The following DAB1 variants were observed in gnomAD, a reference collection of about 807,000 sequenced individuals.
DAB1 encodes the protein DAB adaptor protein 1.
Under a neutral mutation model 64.6 loss-of-function variants are expected in DAB1, and 15 were observed. The observed-to-expected ratio is 0.23, with a 90% CI of 0.16 to 0.36. DAB1 has a LOEUF of 0.36. Ranked by LOEUF, DAB1 falls within the 10% of genes least tolerant of loss-of-function variation. DAB1 has a pLI of 1.00. For synonymous variants in DAB1, 235 were observed against 251.9 expected (o/e 0.93, Z 0.64); for missense variants, 596 against 706.7 (o/e 0.84, Z 1.78).
At chr1:58,133,925 C>T (rs769013471) in intron 5 of DAB1, among the ~76,000 whole-genome samples, 6 of 152,140 alleles carry the variant, frequency 3.9e-5, no homozygotes, top group Non-Finnish European at 8.8e-5. Context: ...TCTTTTCAGG[C>T]TTACTTTCCC....
intron 7 of DAB1, among the ~76,000 whole-genome samples, chr1:57,568,431 C>T (rs1320849635): frequency 6.6e-6 from 1 of 152,146 alleles, no homozygotes; most frequent in Admixed American, 6.5e-5. Context: ...CAAATGGGAT[C>T]GAATTAAACT....
chr1:57,596,810 T>C (rs956782621), intron 7 of DAB1, among the ~76,000 whole-genome samples: 1 of 152,214 alleles, frequency 6.6e-6, no homozygotes, highest in Non-Finnish European at 1.5e-5. Flanking sequence ...GTGGATAGAA[T>C]AGGAGCTCAA....
intron 1 of DAB1, among the ~76,000 whole-genome samples, chr1:57,853,913 G>A (rs779185173): frequency 4.6e-5 from 7 of 152,148 alleles, no homozygotes; most frequent in East Asian, 3.9e-4. Flanking sequence ...TGAGACCTCC[G>A]CATCTGTTTT....
rs145671351 is a variant in DAB1, at chr1:58,022,476, A to G, written n.387+128035T>C. Among the ~76,000 whole-genome samples the G allele has an allele frequency of 6.7e-3, 1,018 of 152,292 alleles. 8 individuals are homozygous for G. Among genetic ancestry groups the G allele is most frequent in the African/African-American group, 0.024 (979 of 41,562 alleles). On this transcript the variant is annotated intron_variant and non_coding_transcript_variant, in intron 5 of 20. Transcript: ENST00000485760. ...GTTTGAGTACAGATTTGCCTCCAGG[A>G]ACTTCAGGCAAGTCCCTTTTCCACT...
intron 5 of DAB1, among the ~76,000 whole-genome samples, chr1:58,108,400 T>C (rs1651790427): frequency 6.6e-6 from 1 of 152,144 alleles, no homozygotes; most frequent in South Asian, 2.1e-4. Context: ...GGAAACCATA[T>C]CATGAACAAA....
At chr1:58,137,472 A>G (rs1335744842) in intron 5 of DAB1, among the ~76,000 whole-genome samples, 1 of 152,040 alleles carries the variant, frequency 6.6e-6, no homozygotes, top group East Asian at 1.9e-4. Context: ...CCATCCATTT[A>G]TCCATTCACC....
intron 3 of DAB1, among the ~76,000 whole-genome samples, chr1:57,140,488 C>A (rs952199851): frequency 5.9e-5 from 9 of 152,194 alleles, no homozygotes; most frequent in African/African-American, 1.9e-4. Flanking sequence ...TTTAAGAGCC[C>A]CTTTTTGGGA....
At chr1:57,147,035 T>A (rs200043612) in intron 2 of DAB1, among the ~76,000 whole-genome samples, 1 of 57,504 alleles carries the variant, frequency 1.7e-5, no homozygotes, top group East Asian at 7.8e-4. Flanking sequence ...ACTGTTTTTC[T>A]TTTTTTTTTT....
chr1:58,528,776 T>A (rs1370644272), intron 1 of DAB1, among the ~76,000 whole-genome samples: 1 of 152,186 alleles, frequency 6.6e-6, no homozygotes, highest in African/African-American at 2.4e-5. Flanking sequence ...AACATTCCTC[T>A]CTGCTCTCCA....
At chr1:57,604,822 T>C (rs1446345577) in intron 7 of DAB1, among the ~76,000 whole-genome samples, 2 of 152,228 alleles carry the variant, frequency 1.3e-5, no homozygotes, top group East Asian at 3.8e-4. Flanking sequence ...AACTGTTGCA[T>C]GTTCTTAGTG....
At chr1:57,650,611 A>C (rs1646245128) in intron 6 of DAB1, among the ~76,000 whole-genome samples, 1 of 152,220 alleles carries the variant, frequency 6.6e-6, no homozygotes, top group Non-Finnish European at 1.5e-5. Flanking sequence ...CAGAAATAAC[A>C]GTGGTCATCT....
intron 1 of DAB1, among the ~76,000 whole-genome samples, chr1:57,419,995 T>C (rs1028260068): frequency 2.6e-5 from 4 of 152,274 alleles, no homozygotes; most frequent in African/African-American, 9.6e-5. Context: ...ACTAATTGAT[T>C]ACTAATTGTT....
At chr1:57,072,790 G>A (rs1323562032) in intron 4 of DAB1, among the ~76,000 whole-genome samples, 2 of 152,180 alleles carry the variant, frequency 1.3e-5, no homozygotes, top group South Asian at 2.1e-4. Flanking sequence ...CTCGGGGACC[G>A]TGTGTGCTGT....
rs144434558 is a variant in DAB1, at chr1:58,180,610, T to A, written n.310-30022A>T. 3.1e-3 allele frequency among the ~76,000 whole-genome samples: 477 copies of A among 152,190 alleles called. 2 individuals are homozygous for A. The highest frequency in any genetic ancestry group is 0.011 in the African/African-American group (454 of 41,538). ...GTGCCTGGCCTCCTTTATTCTAATA[T>A]AGGCATTAAAAGTTATAATTTTCCT... On this transcript the variant is annotated intron_variant and non_coding_transcript_variant, in intron 4 of 20. Coordinates refer to the DAB1 transcript ENST00000485760.
rs1305190653 is a variant in DAB1 at position 57,384,786 on chromosome 1, A to G, written c.-137+39144T>C. Reference sequence around the variant, plus strand: ...GGGTACAGAGTTTCAATTTTGCATGATGAAAAAGTTCTGGAGATTGGTTGC... The same window carrying G: ...GGGTACAGAGTTTCAATTTTGCATGGTGAAAAAGTTCTGGAGATTGGTTGC... On this transcript the variant is annotated intron_variant, in intron 1 of 14. Transcript: ENST00000371236. Among the ~76,000 whole-genome samples, 3 of 152,330 alleles carry G rather than the reference A, an allele frequency of 2.0e-5. No individual in the cohort carries two copies. In the East Asian group the frequency reaches 5.8e-4, roughly 29 times the overall value.
intron 4 of DAB1, among the ~76,000 whole-genome samples, chr1:58,151,377 T>C (rs928525844): frequency 5.9e-5 from 9 of 152,238 alleles, no homozygotes; most frequent in African/African-American, 1.7e-4. Flanking sequence ...TTTTTAATGA[T>C]TGCCATTCTA....
rs552503444 is a variant in DAB1, at chr1:58,065,181, A to G, written n.387+85330T>C. ...GTGCTATGCATGCCCTAGGCCAAGC[A>G]CTGATAGTTTCCAGGATTTAAAAGC... On this transcript the variant is annotated intron_variant and non_coding_transcript_variant, in intron 5 of 20. Transcript: ENST00000485760. Among the ~76,000 whole-genome samples the G allele has an allele frequency of 5.9e-5, 9 of 152,308 alleles. No individual in the cohort carries two copies. In the East Asian group the frequency reaches 1.7e-3, roughly 29 times the overall value.
rs71800606 is a variant in DAB1 at position 57,072,064 on chromosome 1, T to TA, written c.438+218dup. Among the ~76,000 whole-genome samples the TA allele has an allele frequency of 0.27, 37,506 of 139,154 alleles. 5,177 individuals carry two copies. Among genetic ancestry groups the TA allele is most frequent in the East Asian group, 0.49 (2,296 of 4,722 alleles). The allele number at this position is 139,154 out of a possible 152,430, so 91.3% of individuals were successfully genotyped here. On this transcript the variant is annotated intron_variant, in intron 5 of 14. Coordinates refer to ENST00000371236, the MANE Select transcript of DAB1 (RefSeq NM_001365792.1). ...TAGTCATTAGGAAATACCCATTAGT[T>TA]AAAAAAAAAAAAAAAAACAGAAAAA...
intron 3 of DAB1, among the ~76,000 whole-genome samples, chr1:58,344,372 A>T (rs1466666388): frequency 1.3e-5 from 2 of 152,170 alleles, no homozygotes; most frequent in Non-Finnish European, 2.9e-5. Flanking sequence ...GGTATTGCTG[A>T]CAATCACTTC....
Sources: gnomAD v4.1 joint callset for allele counts (sites outside exome capture counted in the v4.1 genomes callset) on GRCh38, gnomAD v4.1.1 for gene constraint, MANE v1.5 for transcripts, NCBI Gene and HGNC (gene_info 2026-07-23, HGNC 2026-07-21) for gene names.